The following RELN variants were observed in gnomAD, a reference collection of about 807,000 sequenced individuals.
RELN encodes reelin.
A neutral mutation model predicts 427.6 loss-of-function variants in RELN; 108 were observed. The observed-to-expected ratio is 0.25, with a 90% CI of 0.22 to 0.30. The LOEUF is 0.30. Ranked by LOEUF, RELN falls within the 10% of genes least tolerant of loss-of-function variation. The pLI is 1.00. For synonymous variants in RELN, 1,524 were observed against 1,513.4 expected (o/e 1.01, Z -0.16); for missense variants, 3,715 against 4,302.8 (o/e 0.86, Z 3.82).
At chr7:103,571,929 G>C (rs567491737) in intron 31 of RELN, among the ~76,000 whole-genome samples, 1 of 152,008 alleles carries the variant, frequency 6.6e-6, no homozygotes, top group Non-Finnish European at 1.5e-5. Context: ...AAAGGAATAG[G>C]GTTCCCTAAA....
intron 16 of RELN, among the ~76,000 whole-genome samples, chr7:103,648,207 G>C (rs1832836827): frequency 6.6e-6 from 1 of 151,966 alleles, no homozygotes; most frequent in Admixed American, 6.6e-5. Context: ...TGGATCATGG[G>C]GGTGGATTTC....
intron 20 of RELN, among the ~76,000 whole-genome samples, chr7:103,619,907 T>C (rs944866390): frequency 6.6e-6 from 1 of 152,012 alleles, no homozygotes; most frequent in Non-Finnish European, 1.5e-5. Context: ...TGTAGATGAG[T>C]TGTCAGGGGC....
chr7:103,636,163 A>G, intron 18 of RELN, 72 bp downstream of exon 18: 1 of 1,009,376 alleles, frequency 9.9e-7, no homozygotes, highest in South Asian at 1.4e-5. Flanking sequence ...ATAAGAAATA[A>G]AAATGGACAG....
At chr7:103,530,650 C>A (rs564476345) in intron 46 of RELN, among the ~76,000 whole-genome samples, 2 of 152,146 alleles carry the variant, frequency 1.3e-5, no homozygotes. Context: ...CTGCTTGAAT[C>A]GGCAACTCAT....
At chr7:103,606,088 C>CA (rs1214697650) in intron 22 of RELN, among the ~76,000 whole-genome samples, 5 of 152,136 alleles carry the variant, frequency 3.3e-5, no homozygotes, top group African/African-American at 4.8e-5. Flanking sequence ...GAGCAGAGAG[C>CA]ACTACAGAAT....
intron 27 of RELN, among the ~76,000 whole-genome samples, 166 bp from the exon 28 acceptor site, chr7:103,589,994 A>T (rs1197002969): frequency 1.3e-5 from 2 of 149,954 alleles, no homozygotes; most frequent in Admixed American, 1.3e-4. Context: ...TAGATTCTGG[A>T]ATTCTTTGTT....
chr7:103,566,545 T>C, intron 32 of RELN, 56 bp downstream of exon 32: 1 of 1,604,692 alleles, frequency 6.2e-7, no homozygotes, highest in Non-Finnish European at 8.5e-7. Context: ...GCAAGGTGGG[T>C]ATGGATACTT....
chr7:103,911,060 A>C (rs1027387109), intron 2 of RELN, among the ~76,000 whole-genome samples: 1 of 142,988 alleles, frequency 7.0e-6, no homozygotes, highest in African/African-American at 2.8e-5. Context: ...ATCAGAGTGA[A>C]CAGGCAACCT....
chr7:103,901,192 A>T (rs921066457), intron 2 of RELN, among the ~76,000 whole-genome samples: 1 of 152,062 alleles, frequency 6.6e-6, no homozygotes, highest in Non-Finnish European at 1.5e-5. Flanking sequence ...TGAAAATCAA[A>T]CCACAATGAG....
chr7:103,902,609 C>T (rs111653286), intron 2 of RELN, among the ~76,000 whole-genome samples: 1 of 152,110 alleles, frequency 6.6e-6, no homozygotes. Flanking sequence ...AAAATGGCAA[C>T]TCCCACACTA....
chr7:103,793,073 T>A (rs1792206741), intron 3 of RELN, among the ~76,000 whole-genome samples: 3 of 152,174 alleles, frequency 2.0e-5, no homozygotes, highest in African/African-American at 7.2e-5. Context: ...AGCCTCAAAT[T>A]GCAACCAAAT....
At chr7:103,761,513 G>A (rs1208802745) in intron 4 of RELN, among the ~76,000 whole-genome samples, 4 of 152,044 alleles carry the variant, frequency 2.6e-5, no homozygotes, top group Non-Finnish European at 5.9e-5. Flanking sequence ...GAGTGCAGTG[G>A]TGCATCTTGG....
At position 103,887,400 on chromosome 7, in the gene RELN, G is replaced by A. The variant is rs114125308; in HGVS notation, c.337+29675C>T. 4.6e-3 allele frequency among the ~76,000 whole-genome samples: 708 copies of A among 152,274 alleles called. 8 individuals carry two copies. The highest frequency in any genetic ancestry group is 0.016 in the African/African-American group (671 of 41,548). On this transcript the variant is annotated intron_variant, in intron 2 of 64. Transcript: ENST00000428762. ...TGTCTGCTCCTGGTACAACACACAA[G>A]ATCAAACCAAAAGATGAGTTGCAGA...
chr7:103,714,123 G>T (rs920752511), intron 8 of RELN, among the ~76,000 whole-genome samples: 10 of 152,046 alleles, frequency 6.6e-5, no homozygotes, highest in Non-Finnish European at 1.3e-4. Context: ...TTGTTTTCAT[G>T]CTGTTTTATT....
rs1412593345 is a variant in RELN, at chr7:103,491,846, TCTCTCTCTCTCACACA to T, written c.9443+91_9443+106del. 6.2e-4 allele frequency: 380 copies of T among 609,376 alleles called. 1 individual carries two copies. The highest frequency in any genetic ancestry group is 4.0e-3 in the South Asian group (232 of 57,418). The allele number at this position is 609,376 out of a possible 1,614,324, so 37.7% of individuals were successfully genotyped here. Reference sequence around the variant, plus strand: ...CTGTCTCTCTCTCTCTCTCTCTCTCTCTCTCTCTCTCACACACACACACACACACACACACACACAC... The same window carrying T: ...CTGTCTCTCTCTCTCTCTCTCTCTCTCACACACACACACACACACACACAC... On this transcript the variant is annotated intron_variant, in intron 58 of 64. Transcript: ENST00000428762.
In RELN at chr7:103,545,151, G is replaced by T. The variant is rs767124884; in HGVS notation, c.6496C>A (p.Pro2166Thr). ...TCGAAATCATCTTTGAGAAAATCAG[G>T]ATTTTTGGTGCTTATTTTACAGGTT... is the stretch of plus-strand genomic sequence containing the variant. ...GPTCKISTKN[P>T]DFLKDDFEGQ... is the part of the protein sequence containing the mutation. The change falls in exon 42 of 65, where the codon CCT (proline) becomes ACT (threonine). Residue 2166 changes from proline (P) to threonine (T), a missense_variant. Coordinates refer to ENST00000428762, the MANE Select transcript of RELN (RefSeq NM_005045.4). 3.1e-6 allele frequency: 5 copies of T among 1,613,868 alleles called. No homozygotes were observed. The highest frequency in any genetic ancestry group is 1.1e-5 in the South Asian group (1 of 91,060).
chr7:103,651,813 C>T, intron 14 of RELN, 24 bp from the exon 15 acceptor site: 2 of 1,609,234 alleles, frequency 1.2e-6, no homozygotes, highest in South Asian at 2.2e-5. Flanking sequence ...AACAAGCACA[C>T]ACAAAAGGTG....
chr7:103,750,475 G>T (rs1001448969), intron 5 of RELN, among the ~76,000 whole-genome samples: 2 of 152,086 alleles, frequency 1.3e-5, no homozygotes, highest in African/African-American at 4.8e-5. Flanking sequence ...GTCTTTATTA[G>T]CAGCGTGAGA....
At chr7:103,895,358 TA>T (rs1794937645) in intron 2 of RELN, among the ~76,000 whole-genome samples, 1 of 152,080 alleles carries the variant, frequency 6.6e-6, no homozygotes, top group Non-Finnish European at 1.5e-5. Flanking sequence ...GGGGGCCCAT[TA>T]AAATTTCCCC....
Sources: gnomAD v4.1 joint callset for allele counts (sites outside exome capture counted in the v4.1 genomes callset) on GRCh38, gnomAD v4.1.1 for gene constraint, MANE v1.5 for transcripts, NCBI Gene and HGNC (gene_info 2026-07-23, HGNC 2026-07-21) for gene names.